RTL4: variants seen among roughly 807,000 people sequenced by gnomAD.
RTL4 encodes the protein retrotransposon Gag-like protein 4.
RTL4 carries 4 observed loss-of-function variants against 5.3 expected under a neutral mutation model. The ratio of observed to expected loss-of-function variants is 0.75; its 90% confidence interval spans 0.37 to 1.72. RTL4 has a LOEUF of 1.72. RTL4 is among the 40% of genes most tolerant of loss of function. The probability of loss-of-function intolerance (pLI) is 0.04; values close to 1 mark genes in which losing one functional copy is unlikely to be tolerated. For synonymous variants in RTL4, 98 were observed against 87.3 expected (o/e 1.12, Z -0.68); for missense variants, 260 against 227.1 (o/e 1.14, Z -0.93).
the RTL4 span, among the ~76,000 whole-genome samples, chrX:112,374,944 G>A: frequency 9.0e-6 from 1 of 111,618 alleles, no homozygotes; most frequent in Non-Finnish European, 1.9e-5. Context: ...TTGCAACAAG[G>A]GATAGTGTTG....
At chrX:112,183,819 A>T in the RTL4 span, among the ~76,000 whole-genome samples, 1 of 111,864 alleles carries the variant, frequency 8.9e-6, no homozygotes, top group Non-Finnish European at 1.9e-5. Context: ...ATAATAAAAA[A>T]TTTAATTAGA....
At chrX:112,246,813 G>A in the RTL4 span, among the ~76,000 whole-genome samples, 332 of 111,385 alleles carry the variant, frequency 3.0e-3, 3 homozygotes, top group African/African-American at 0.011. Context: ...ATCACGCTGG[G>A]AGCTGCAGAC....
chrX:112,433,944 A>C, the RTL4 span, among the ~76,000 whole-genome samples: 5 of 71,455 alleles, frequency 7.0e-5, no homozygotes, highest in African/African-American at 3.1e-4. Context: ...TAGCATGAAG[A>C]GTTGTTGAAT....
At chrX:112,429,728 C>A in the RTL4 span, among the ~76,000 whole-genome samples, 1 of 111,419 alleles carries the variant, frequency 9.0e-6, no homozygotes, top group Admixed American at 9.6e-5. Flanking sequence ...CAAGGCATGT[C>A]TACTGGCAAC....
At chrX:112,283,836 T>C in the RTL4 span, among the ~76,000 whole-genome samples, 1 of 110,772 alleles carries the variant, frequency 9.0e-6, no homozygotes, top group African/African-American at 3.3e-5. Context: ...GACTCCTCTT[T>C]TGTCACCCTT....
At chrX:112,336,206 G>A in the RTL4 span, among the ~76,000 whole-genome samples, 1 of 111,850 alleles carries the variant, frequency 8.9e-6, no homozygotes, top group African/African-American at 3.3e-5. Context: ...TTTGAGAGAT[G>A]TAAGTTCGTA....
At chrX:112,100,803 C>A in the RTL4 span, among the ~76,000 whole-genome samples, 2 of 111,714 alleles carry the variant, frequency 1.8e-5, no homozygotes, top group African/African-American at 6.5e-5. Flanking sequence ...TAGCCAGAAC[C>A]TAGTCAGATG....
the RTL4 span, among the ~76,000 whole-genome samples, chrX:112,179,204 C>T: frequency 9.0e-6 from 1 of 110,861 alleles, no homozygotes; most frequent in Non-Finnish European, 1.9e-5. Context: ...AATGCTAATA[C>T]TGAGGAGGGA....
At chrX:112,378,779 C>T in the RTL4 span, among the ~76,000 whole-genome samples, 1 of 111,785 alleles carries the variant, frequency 8.9e-6, no homozygotes, top group African/African-American at 3.3e-5. Flanking sequence ...CAGTGGAGTG[C>T]CACTACCAAA....
chrX:112,429,255 T>A, the RTL4 span, among the ~76,000 whole-genome samples: 1 of 111,545 alleles, frequency 9.0e-6, no homozygotes, highest in Non-Finnish European at 1.9e-5. Flanking sequence ...CAGCCTTTTT[T>A]TGGTTTTAAT....
At chrX:112,155,270 A>C in the RTL4 span, among the ~76,000 whole-genome samples, 4 of 110,288 alleles carry the variant, frequency 3.6e-5, no homozygotes, top group East Asian at 1.1e-3. Flanking sequence ...CTTACTGTGG[A>C]TATCTTATTC....
At chrX:112,289,764 G>A in the RTL4 span, among the ~76,000 whole-genome samples, 1 of 84,282 alleles carries the variant, frequency 1.2e-5, no homozygotes, top group Non-Finnish European at 2.2e-5. Flanking sequence ...GTACGTGTGT[G>A]TATAATATAT....
chrX:112,360,922 G>T, the RTL4 span, among the ~76,000 whole-genome samples: 2 of 110,723 alleles, frequency 1.8e-5, no homozygotes, highest in Non-Finnish European at 3.8e-5. Flanking sequence ...GCCTAGGGAG[G>T]CAGAGTACTC....
At chrX:112,088,222 C>G in the RTL4 span, among the ~76,000 whole-genome samples, 1 of 103,028 alleles carries the variant, frequency 9.7e-6, no homozygotes, top group African/African-American at 3.5e-5. Flanking sequence ...TTCCGCCCCC[C>G]TCCAGCTGTT....
At chrX:112,454,670 A>G in exon 1 of RTL4, 1 of 1,046,136 alleles carries the variant, frequency 9.6e-7, no homozygotes, top group Non-Finnish European at 1.3e-6. Context: ...CACTGTCTCC[A>G]TTGGTTTCCA....
the RTL4 span, among the ~76,000 whole-genome samples, chrX:112,272,514 A>T: frequency 9.0e-6 from 1 of 111,476 alleles, no homozygotes; most frequent in African/African-American, 3.3e-5. Context: ...TGGAATGTGG[A>T]GTTCATGTTG....
chrX:112,199,809 A>T, the RTL4 span, among the ~76,000 whole-genome samples: 1,600 of 111,808 alleles, frequency 0.014, 32 homozygotes, highest in African/African-American at 0.049. Context: ...TTTCAAAAGG[A>T]GCTATTAGTC....
the RTL4 span, among the ~76,000 whole-genome samples, chrX:112,388,466 T>C: frequency 8.9e-6 from 1 of 112,273 alleles, no homozygotes; most frequent in African/African-American, 3.2e-5. Flanking sequence ...GGAGTGGTGA[T>C]AGAGGGCATC....
chrX:112,439,570 A>G, the RTL4 span, among the ~76,000 whole-genome samples: 1 of 111,745 alleles, frequency 8.9e-6, no homozygotes, highest in African/African-American at 3.3e-5. Context: ...AAATCTGCCA[A>G]TACCCCTTGG....
Sources: allele counts gnomAD v4.1 joint callset (sites outside exome capture counted in the v4.1 genomes callset), GRCh38; gene constraint gnomAD v4.1.1; transcripts MANE v1.5; gene names NCBI Gene and HGNC (gene_info 2026-07-23, HGNC 2026-07-21).